OPCML: variants seen among roughly 807,000 people sequenced by gnomAD.
OPCML encodes opioid binding protein/cell adhesion molecule like.
In OPCML, 13 loss-of-function variants were observed where a neutral mutation model predicts 37.8. The ratio of observed to expected loss-of-function variants is 0.34; its 90% CI spans 0.22 to 0.55. OPCML has a LOEUF of 0.55. OPCML is among the 20% of genes least tolerant of loss of function. The pLI is 0.91. For missense variants in OPCML, 341 were observed against 435.6 expected, an observed-to-expected ratio of 0.78 and a Z score of 1.93; for synonymous variants, 176 against 168.8, an observed-to-expected ratio of 1.04 and a Z score of -0.33.
At chr11:133,231,471 G>C (rs944805550) in intron 1 of OPCML, among the ~76,000 whole-genome samples, 3 of 152,144 alleles carry the variant, frequency 2.0e-5, no homozygotes, top group Admixed American at 2.0e-4. Context: ...AAGATGTCAC[G>C]TCTTGTTGGA....
chr11:132,730,764 G>T (rs1300536106), intron 2 of OPCML, among the ~76,000 whole-genome samples: 1 of 152,134 alleles, frequency 6.6e-6, no homozygotes, highest in South Asian at 2.1e-4. Context: ...GTTGAAATCT[G>T]CTTGACCACC....
At chr11:133,115,792 C>A (rs561078210) in intron 1 of OPCML, among the ~76,000 whole-genome samples, 1 of 152,102 alleles carries the variant, frequency 6.6e-6, no homozygotes, top group Non-Finnish European at 1.5e-5. Flanking sequence ...GAATGTTACC[C>A]AGATTCACTA....
At chr11:132,510,563 T>G (rs2212485) in intron 4 of OPCML, among the ~76,000 whole-genome samples, 26,207 of 141,920 alleles carry the variant, frequency 0.18, 3,131 homozygotes, top group East Asian at 0.64. Context: ...TGTGCTATTA[T>G]TTTGATAGTG....
intron 2 of OPCML, among the ~76,000 whole-genome samples, chr11:132,825,068 G>A (rs1940218120): frequency 6.6e-6 from 1 of 152,032 alleles, no homozygotes; most frequent in Non-Finnish European, 1.5e-5. Flanking sequence ...CCTTCATCAT[G>A]ATTTCATAAT....
At chr11:132,836,691 A>C (rs1394161415) in intron 2 of OPCML, among the ~76,000 whole-genome samples, 1 of 152,226 alleles carries the variant, frequency 6.6e-6, no homozygotes, top group Non-Finnish European at 1.5e-5. Context: ...CAAAGGACAG[A>C]TAAATCCAAC....
intron 2 of OPCML, among the ~76,000 whole-genome samples, chr11:132,832,632 G>A (rs1051137254): frequency 6.6e-6 from 1 of 152,190 alleles, no homozygotes; most frequent in African/African-American, 2.4e-5. Flanking sequence ...AATCATGTAT[G>A]CTTTTTACAA....
chr11:132,515,752 G>A (rs1403253070), intron 4 of OPCML, among the ~76,000 whole-genome samples: 1 of 152,126 alleles, frequency 6.6e-6, no homozygotes, highest in African/African-American at 2.4e-5. Flanking sequence ...AACTGGGGAG[G>A]AATGATCTTC....
chr11:132,856,371 G>A (rs1315334352), intron 2 of OPCML, among the ~76,000 whole-genome samples: 1 of 152,206 alleles, frequency 6.6e-6, no homozygotes, highest in Non-Finnish European at 1.5e-5. Flanking sequence ...TTTCCAAAGT[G>A]ATTGTGTTAG....
At chr11:132,675,137 G>T (rs1333984785) in intron 2 of OPCML, among the ~76,000 whole-genome samples, 2 of 149,872 alleles carry the variant, frequency 1.3e-5, no homozygotes, top group Non-Finnish European at 3.0e-5. Context: ...CTAGAAGTAT[G>T]ACAGCCCATA....
chr11:132,457,912 A>G (rs1406341737), intron 4 of OPCML, among the ~76,000 whole-genome samples: 1 of 152,246 alleles, frequency 6.6e-6, no homozygotes, highest in East Asian at 1.9e-4. Flanking sequence ...GGTCCACGCT[A>G]GTGAAAAGGA....
In OPCML at chr11:132,554,863, G is replaced by GTTTTTTTTTTTTTTT. The variant is rs5795789; in HGVS notation, c.380-25692_380-25678dup. ...ATAAAAGCCATGGGAATGGGGTAAA[G>GTTTTTTTTTTTTTTT]TTTTTTTTTTTTTTTTTTTTTTTTT... is the stretch of plus-strand genomic sequence containing the variant. On this transcript the variant is annotated intron_variant, in intron 3 of 7. Coordinates refer to ENST00000524381, the MANE Select transcript of OPCML (RefSeq NM_001012393.5). Among the ~76,000 whole-genome samples, 22 of 64,010 alleles carry GTTTTTTTTTTTTTTT rather than the reference G, an allele frequency of 3.4e-4. 1 individual carries two copies. The highest frequency in any genetic ancestry group is 5.9e-4 in the Admixed American group (2 of 3,388). 42.0% of individuals were successfully genotyped at this position (64,010 alleles called of 152,430 possible).
chr11:132,619,759 G>A (rs1939285405), intron 3 of OPCML, among the ~76,000 whole-genome samples: 1 of 151,070 alleles, frequency 6.6e-6, no homozygotes, highest in Admixed American at 6.6e-5. Flanking sequence ...GGCTGAGGCA[G>A]GAGAATGGCA....
chr11:133,529,557 G>A (rs933923368), intron 1 of OPCML, among the ~76,000 whole-genome samples: 1 of 152,178 alleles, frequency 6.6e-6, no homozygotes, highest in Non-Finnish European at 1.5e-5. Flanking sequence ...AGCTATTTGT[G>A]ATATCAGTGG....
At chr11:132,657,014 G>A in intron 3 of OPCML, 73 bp downstream of exon 3, 5 of 1,568,776 alleles carry the variant, frequency 3.2e-6, no homozygotes, top group Non-Finnish European at 4.3e-6. Context: ...CACACAGGTA[G>A]AACAAACACC....
At chr11:133,098,082 A>G (rs974369608) in intron 1 of OPCML, among the ~76,000 whole-genome samples, 2 of 152,230 alleles carry the variant, frequency 1.3e-5, no homozygotes, top group African/African-American at 4.8e-5. Flanking sequence ...AAAACTACAG[A>G]TCAATATTTC....
At chr11:133,185,678 C>T (rs533082907) in intron 1 of OPCML, among the ~76,000 whole-genome samples, 1 of 152,172 alleles carries the variant, frequency 6.6e-6, no homozygotes, top group South Asian at 2.1e-4. Flanking sequence ...TCTAAGGCTC[C>T]CATAGATATT....
chr11:132,611,287 G>A (rs1285376382), intron 3 of OPCML, among the ~76,000 whole-genome samples: 1 of 152,066 alleles, frequency 6.6e-6, no homozygotes, highest in Non-Finnish European at 1.5e-5. Context: ...GCGTGCTGTA[G>A]CTCCGCTGGT....
intron 1 of OPCML, among the ~76,000 whole-genome samples, chr11:133,331,052 G>A (rs915868059): frequency 1.3e-5 from 2 of 152,188 alleles, no homozygotes; most frequent in African/African-American, 4.8e-5. Context: ...TACAATTGGT[G>A]TAGATAAAGT....
intron 7 of OPCML, among the ~76,000 whole-genome samples, chr11:132,427,890 T>A (rs1459035923): frequency 6.6e-6 from 1 of 152,216 alleles, no homozygotes; most frequent in East Asian, 1.9e-4. Flanking sequence ...TCTACTATGT[T>A]GACATTTTGC....
Sources: gnomAD v4.1 joint callset for allele counts (sites outside exome capture counted in the v4.1 genomes callset) on GRCh38, gnomAD v4.1.1 for gene constraint, MANE v1.5 for transcripts, NCBI Gene and HGNC (gene_info 2026-07-23, HGNC 2026-07-21) for gene names.